The following R3HDM2 variants were observed in gnomAD, a reference collection of about 807,000 sequenced individuals.
The protein encoded by R3HDM2 is R3H domain-containing protein 2.
A neutral mutation model predicts 124.5 loss-of-function variants in R3HDM2; 38 were observed. That is an observed-to-expected ratio of 0.31 (90% CI 0.24 to 0.40). The LOEUF is 0.40. Among genes scored for constraint, R3HDM2 ranks in the 10% least tolerant of loss-of-function variants. The pLI, the probability that R3HDM2 is intolerant of heterozygous loss-of-function variation, is 1.00. For missense variants in R3HDM2, 869 were observed against 1,236.9 expected (o/e 0.70, Z 4.46); for synonymous variants, 391 against 448.0 (o/e 0.87, Z 1.61).
chr12:57,411,570 G>C (rs1594580729), intron 1 of R3HDM2, among the ~76,000 whole-genome samples: 1 of 152,244 alleles, frequency 6.6e-6, no homozygotes, highest in East Asian at 1.9e-4. Flanking sequence ...ACATTTAATG[G>C]GTTTCACCTT....
At position 57,256,409 on chromosome 12, in the gene R3HDM2, CT is replaced by C; in HGVS notation, c.2547+4del. 2 of 1,570,286 alleles carry C rather than the reference CT, an allele frequency of 1.3e-6. No homozygotes were observed. Among genetic ancestry groups the C allele is most frequent in the South Asian group, 1.2e-5 (1 of 85,578 alleles). The stretch of plus-strand genomic sequence containing the variant: ...GGCCCTACAGTTGCTGGTGGACACC[CT>C]TACCTGGTGCACCGTGTAAGTTGAC... On this transcript the variant is annotated splice_donor_region_variant and intron_variant, in intron 22 of 23. Transcript: ENST00000402412.
chr12:57,400,398 A>T (rs1024667215), intron 1 of R3HDM2, among the ~76,000 whole-genome samples: 1 of 151,236 alleles, frequency 6.6e-6, no homozygotes, highest in Non-Finnish European at 1.5e-5. Context: ...ACACTTGGAC[A>T]CAGGAAGGGG....
At position 57,255,028 on chromosome 12, in the gene R3HDM2, C is replaced by A; in HGVS notation, c.2718G>T (p.Met906Ile). 2 of 1,613,954 alleles carry A rather than the reference C, an allele frequency of 1.2e-6. No homozygotes were observed. Among genetic ancestry groups the A allele is most frequent in the Non-Finnish European group, 1.7e-6 (2 of 1,180,000 alleles). Residue 906 changes from methionine to isoleucine, a missense_variant, in exon 24 of 24, where the codon ATG becomes ATT. By Grantham distance (10) the Met-to-Ile change is conservative. Transcript: ENST00000402412. ...EADKLFTQLA[M>I]SGAKIQWLKD... ...TGAGCCACTGGATCTTGGCGCCAGA[C>A]ATGGCGAGCTGCGTGAAGAGTTTGT...
chr12:57,378,975 C>T (rs1424206187), intron 2 of R3HDM2, among the ~76,000 whole-genome samples: 1 of 152,232 alleles, frequency 6.6e-6, no homozygotes, highest in Admixed American at 6.5e-5. Context: ...ACGACAAATT[C>T]TGTATAATTC....
chr12:57,260,263 CAAAA>C lies in R3HDM2; in HGVS notation c.2132-1208_2132-1205del, dbSNP rs566868060. Among the ~76,000 whole-genome samples, 44 of 31,562 alleles carry C rather than the reference CAAAA, an allele frequency of 1.4e-3. 2 individuals carry two copies. The highest frequency in any genetic ancestry group is 1.9e-3 in the South Asian group (1 of 518). 20.7% of individuals were successfully genotyped at this position (31,562 alleles called of 152,430 possible). A position where few individuals can be genotyped will look rare whatever the true frequency, so the allele number is the denominator to read the frequency against. ...TGGGTGACAGAATGAGACCCTGCCT[CAAAA>C]AAAAAAAAAAAAAAAAAAGCCTGCT... On this transcript the variant is annotated intron_variant, in intron 19 of 23. Coordinates refer to ENST00000402412, the MANE Select transcript of R3HDM2 (RefSeq NM_001394031.1).
At chr12:57,335,472 G>T (rs1176345506) in intron 2 of R3HDM2, among the ~76,000 whole-genome samples, 2 of 146,086 alleles carry the variant, frequency 1.4e-5, no homozygotes, top group Non-Finnish European at 3.0e-5. Context: ...TTACAGGCGT[G>T]AGCCATCACG....
rs2038331570 is a variant in R3HDM2, at chr12:57,254,546, G to T, written c.*227C>A. 9 of 465,590 alleles carry T rather than the reference G, an allele frequency of 1.9e-5. No individual in the cohort carries two copies. Among genetic ancestry groups the T allele is most frequent in the East Asian group, 4.1e-5 (1 of 24,560 alleles). 28.8% of individuals were successfully genotyped at this position (465,590 alleles called of 1,614,324 possible). On this transcript the variant is annotated 3_prime_UTR_variant, in exon 24 of 24. Transcript: ENST00000402412. ...AAAAGAAGAGGATGGGAAGAAGAGT[G>T]ATGCAAGGGGGGTCAACCAGGGAAA... is the stretch of plus-strand genomic sequence containing the variant.
chr12:57,257,056 T>C (rs1485513854), intron 21 of R3HDM2, among the ~76,000 whole-genome samples: 3 of 152,108 alleles, frequency 2.0e-5, no homozygotes, highest in Admixed American at 6.6e-5. Context: ...TGACCTCAGG[T>C]GATCCGCCTG....
At chr12:57,402,547 G>T (rs987556393) in intron 1 of R3HDM2, among the ~76,000 whole-genome samples, 1 of 151,874 alleles carries the variant, frequency 6.6e-6, no homozygotes, top group African/African-American at 2.4e-5. Flanking sequence ...ATGTTGGCCA[G>T]GCTGGTCTCA....
intron 1 of R3HDM2, among the ~76,000 whole-genome samples, chr12:57,398,435 C>A (rs560088449): frequency 6.6e-6 from 1 of 151,814 alleles, no homozygotes; most frequent in South Asian, 2.1e-4. Context: ...AAACCTTGTT[C>A]TTTTCTTCAT....
At chr12:57,422,017 C>T (rs1181649289) in intron 1 of R3HDM2, among the ~76,000 whole-genome samples, 3 of 147,400 alleles carry the variant, frequency 2.0e-5, no homozygotes, top group Non-Finnish European at 4.5e-5. Context: ...CGCTTGAACC[C>T]GGGAGGCAGA....
chr12:57,402,630 G>A (rs1418959485), intron 1 of R3HDM2, among the ~76,000 whole-genome samples: 1 of 151,978 alleles, frequency 6.6e-6, no homozygotes, highest in East Asian at 1.9e-4. Flanking sequence ...TTAGCCAGGC[G>A]TGGTGGCAGG....
intron 2 of R3HDM2, among the ~76,000 whole-genome samples, chr12:57,311,459 C>T (rs2053895161): frequency 6.6e-6 from 1 of 152,048 alleles, no homozygotes; most frequent in South Asian, 2.1e-4. Flanking sequence ...ATCTCCTGAT[C>T]TCGTGATCCG....
At chr12:57,409,807 T>C (rs779627967) in intron 1 of R3HDM2, among the ~76,000 whole-genome samples, 1 of 152,116 alleles carries the variant, frequency 6.6e-6, no homozygotes, top group Non-Finnish European at 1.5e-5. Flanking sequence ...ACCCCCTTCA[T>C]AACTTTTTTG....
At chr12:57,370,742 G>A (rs1297792998) in intron 2 of R3HDM2, among the ~76,000 whole-genome samples, 2 of 152,190 alleles carry the variant, frequency 1.3e-5, no homozygotes, top group Non-Finnish European at 2.9e-5. Context: ...CAGAGGGCAA[G>A]ATAACTAAGA....
intron 3 of R3HDM2, among the ~76,000 whole-genome samples, chr12:57,307,006 C>T (rs1269476533): frequency 6.6e-6 from 1 of 152,040 alleles, no homozygotes; most frequent in African/African-American, 2.4e-5. Context: ...CAGAGCGAGA[C>T]TCCATTTCAA....
At chr12:57,284,790 C>T (rs558900837) in intron 12 of R3HDM2, among the ~76,000 whole-genome samples, 1 of 152,322 alleles carries the variant, frequency 6.6e-6, no homozygotes, top group Admixed American at 6.5e-5. Flanking sequence ...TAGTTGCCTT[C>T]ATATTCATAA....
In R3HDM2 at chr12:57,355,898, A is replaced by G. The variant is rs116838188; in HGVS notation, c.-36+39851T>C. Among the ~76,000 whole-genome samples the G allele has an allele frequency of 1.1e-3, 165 of 152,362 alleles. 1 individual carries two copies. The highest frequency in any genetic ancestry group is 3.8e-3 in the African/African-American group (158 of 41,586). ...AATTTCAGATTGCTCCTGCTAGCAT[A>G]TAAACATATAATGGGCTTTTATATA... is the stretch of plus-strand genomic sequence containing the variant. On this transcript the variant is annotated intron_variant, in intron 2 of 23. Coordinates refer to ENST00000402412, the MANE Select transcript of R3HDM2 (RefSeq NM_001394031.1).
At chr12:57,395,900 G>T in intron 1 of R3HDM2, 82 bp from the exon 2 acceptor site, 1 of 552,980 alleles carries the variant, frequency 1.8e-6, no homozygotes, top group East Asian at 1.5e-4. Flanking sequence ...AAAATCCACA[G>T]CAGCACCTGT....
Sources: gnomAD v4.1 joint callset for allele counts (sites outside exome capture counted in the v4.1 genomes callset) on GRCh38, gnomAD v4.1.1 for gene constraint, MANE v1.5 for transcripts, NCBI Gene and HGNC (gene_info 2026-07-23, HGNC 2026-07-21) for gene names.